Variants in KCNG3 observed in about 807,000 individuals in gnomAD.
KCNG3 encodes the protein voltage-gated potassium channel regulatory subunit KCNG3.
KCNG3 carries 15 observed loss-of-function variants against 29.0 expected under a neutral mutation model. The ratio of observed to expected loss-of-function variants is 0.52; its 90% CI spans 0.35 to 0.80. KCNG3 has a LOEUF of 0.80. Ranked by LOEUF, KCNG3 falls within the 30% of genes least tolerant of loss-of-function variation. The pLI, the probability that KCNG3 is intolerant of heterozygous loss-of-function variation, is 0.01. For synonymous variants in KCNG3, 322 were observed against 248.9 expected, an observed-to-expected ratio of 1.29 and a Z score of -2.76; for missense variants, 512 against 605.7, an observed-to-expected ratio of 0.85 and a Z score of 1.62.
the KCNG3 span, among the ~76,000 whole-genome samples, chr2:42,422,066 A>C: frequency 1.3e-5 from 2 of 152,214 alleles, no homozygotes; most frequent in Non-Finnish European, 2.9e-5. Flanking sequence ...GTAAAACCAG[A>C]AAACAATTTA....
At chr2:42,466,948 T>A (rs1673157090) in intron 1 of KCNG3, among the ~76,000 whole-genome samples, 1 of 151,974 alleles carries the variant, frequency 6.6e-6, no homozygotes, top group Admixed American at 6.6e-5. Flanking sequence ...AGATGGGGTT[T>A]CACCATGTTG....
Position 42,492,230 on chromosome 2 carries a change from G to A in KCNG3, c.665+607C>T, listed in dbSNP as rs559821504. ...TGTGAATCTTTGCTACCAAACGGTG[G>A]ACAAGAGGTTTGCTAACTCCATACT... On this transcript the variant is annotated intron_variant, in intron 1 of 1. Transcript: ENST00000306078. Among the ~76,000 whole-genome samples the A allele has an allele frequency of 2.0e-5, 3 of 152,282 alleles. No individual in the cohort carries two copies. In the South Asian group the frequency reaches 6.2e-4, roughly 32 times the overall value.
chr2:42,391,003 T>G, the KCNG3 span, among the ~76,000 whole-genome samples: 1 of 152,192 alleles, frequency 6.6e-6, no homozygotes, highest in South Asian at 2.1e-4. Context: ...GAAAGTGCTG[T>G]AGGCTGAGCT....
the KCNG3 span, among the ~76,000 whole-genome samples, chr2:42,424,151 A>C: frequency 6.6e-6 from 1 of 152,206 alleles, no homozygotes; most frequent in East Asian, 1.9e-4. Context: ...TTTTCAGCAG[A>C]CAGAAGGACC....
chr2:42,389,967 T>C, the KCNG3 span, among the ~76,000 whole-genome samples: 217 of 152,344 alleles, frequency 1.4e-3, no homozygotes, highest in African/African-American at 5.0e-3. Flanking sequence ...CAGCAAAGTT[T>C]ACTGTTGTAT....
intron 1 of KCNG3, among the ~76,000 whole-genome samples, chr2:42,453,923 G>A (rs921193845): frequency 6.6e-6 from 1 of 152,004 alleles, no homozygotes; most frequent in East Asian, 1.9e-4. Context: ...TTTTGCATAT[G>A]GATGTCCAGT....
In KCNG3 at chr2:42,443,831, G is replaced by A. The variant is rs113439894; in HGVS notation, c.*103C>T. 2.7e-6 allele frequency: 3 copies of A among 1,094,822 alleles called. No individual in the cohort carries two copies. The highest frequency in any genetic ancestry group is 1.6e-5 in the African/African-American group (1 of 63,278). 67.8% of individuals were successfully genotyped at this position (1,094,822 alleles called of 1,614,324 possible). Reference sequence around the variant, plus strand: ...AGGATAATTTTTACCCTACCAAGATGATGACAATGCCACTGCAGTGCTCAC... The same window carrying A: ...AGGATAATTTTTACCCTACCAAGATAATGACAATGCCACTGCAGTGCTCAC... On this transcript the variant is annotated 3_prime_UTR_variant, in exon 2 of 2. Coordinates refer to ENST00000306078, the MANE Select transcript of KCNG3 (RefSeq NM_133329.6).
At chr2:42,469,352 G>A (rs1017279980) in intron 1 of KCNG3, among the ~76,000 whole-genome samples, 1 of 151,278 alleles carries the variant, frequency 6.6e-6, no homozygotes, top group Admixed American at 6.6e-5. Context: ...AAGAGGCGGA[G>A]GTTGCAGAGA....
At chr2:42,408,556 T>C in the KCNG3 span, among the ~76,000 whole-genome samples, 2,334 of 151,800 alleles carry the variant, frequency 0.015, 57 homozygotes, top group African/African-American at 0.053. Context: ...CACCCCAGGG[T>C]CTCCTCTTTG....
chr2:42,404,814 G>A, the KCNG3 span, among the ~76,000 whole-genome samples: 35 of 152,098 alleles, frequency 2.3e-4, no homozygotes, highest in Admixed American at 2.2e-3. Context: ...AGTATACACG[G>A]CAATGATTGC....
At chr2:42,424,213 A>G in the KCNG3 span, among the ~76,000 whole-genome samples, 1 of 152,232 alleles carries the variant, frequency 6.6e-6, no homozygotes, top group African/African-American at 2.4e-5. Flanking sequence ...TTGCTCTTGT[A>G]GCTGAGTGCC....
intron 1 of KCNG3, among the ~76,000 whole-genome samples, chr2:42,479,355 G>A (rs1673522099): frequency 6.6e-6 from 1 of 152,140 alleles, no homozygotes; most frequent in Admixed American, 6.6e-5. Context: ...TCATATAAAA[G>A]TGGAATAGCC....
At chr2:42,393,877 T>C in the KCNG3 span, among the ~76,000 whole-genome samples, 1 of 151,562 alleles carries the variant, frequency 6.6e-6, no homozygotes, top group African/African-American at 2.4e-5. Flanking sequence ...ACCTCCCAGG[T>C]TCAAGCAATT....
At chr2:42,474,177 G>A (rs570878053) in intron 1 of KCNG3, among the ~76,000 whole-genome samples, 1 of 151,596 alleles carries the variant, frequency 6.6e-6, no homozygotes, top group South Asian at 2.1e-4. Context: ...TAGAGCAGTG[G>A]GATCCCACAA....
intron 1 of KCNG3, among the ~76,000 whole-genome samples, chr2:42,486,524 C>A (rs1194680656): frequency 6.6e-6 from 1 of 152,220 alleles, no homozygotes; most frequent in Non-Finnish European, 1.5e-5. Flanking sequence ...GGCACACAGG[C>A]CCTGCCTGAT....
chr2:42,400,815 C>T, the KCNG3 span, among the ~76,000 whole-genome samples: 1 of 151,532 alleles, frequency 6.6e-6, no homozygotes, highest in African/African-American at 2.4e-5. Flanking sequence ...ATTTTTGTTA[C>T]AGCAACCAAC....
intron 1 of KCNG3, among the ~76,000 whole-genome samples, chr2:42,451,710 AG>A (rs1212375885): frequency 6.6e-6 from 1 of 152,074 alleles, no homozygotes; most frequent in Non-Finnish European, 1.5e-5. Context: ...TGGGCGACAG[AG>A]CAAGACTTTG....
the KCNG3 span, among the ~76,000 whole-genome samples, chr2:42,398,030 T>G: frequency 6.6e-6 from 1 of 152,052 alleles, no homozygotes; most frequent in Non-Finnish European, 1.5e-5. Flanking sequence ...GAGACCATCC[T>G]GGCTAACACA....
intron 1 of KCNG3, among the ~76,000 whole-genome samples, chr2:42,483,242 A>C (rs1380595518): frequency 6.6e-6 from 1 of 152,248 alleles, no homozygotes; most frequent in East Asian, 1.9e-4. Flanking sequence ...TACTAACTGC[A>C]TATGATGATG....
Sources: allele counts gnomAD v4.1 joint callset (sites outside exome capture counted in the v4.1 genomes callset), GRCh38; gene constraint gnomAD v4.1.1; transcripts MANE v1.5; gene names NCBI Gene and HGNC (gene_info 2026-07-23, HGNC 2026-07-21).